The following PLAAT3 variants were observed in gnomAD, a reference collection of about 807,000 sequenced individuals.
PLAAT3 encodes Ca-independent phospholipase A1/2.
A neutral mutation model predicts 16.7 loss-of-function variants in PLAAT3; 21 were observed. The ratio of observed to expected loss-of-function variants is 1.26; its 90% CI spans 0.89 to 1.81. PLAAT3 has a LOEUF of 1.81. Among genes scored for constraint, PLAAT3 ranks in the 40% most tolerant of loss-of-function variants. PLAAT3 has a pLI of 0.00. For synonymous variants in PLAAT3, 76 were observed against 81.7 expected, an observed-to-expected ratio of 0.93 and a Z score of 0.38; for missense variants, 219 against 213.7, an observed-to-expected ratio of 1.02 and a Z score of -0.16.
At chr11:63,595,299 A>G (rs1296043439) in intron 3 of PLAAT3, among the ~76,000 whole-genome samples, 3 of 143,074 alleles carry the variant, frequency 2.1e-5, no homozygotes, top group East Asian at 1.9e-4. Flanking sequence ...TCGGAAAAAA[A>G]AAAAAAAAAA....
upstream of PLAAT3, chr11:63,616,692 G>C (rs1938881589): frequency 6.6e-6 from 1 of 152,090 alleles, no homozygotes; most frequent in South Asian, 2.1e-4. Flanking sequence ...GGAGTAGAGA[G>C]ACCAGTATAG....
chr11:63,583,795 A>T (rs1271825730), intron 4 of PLAAT3, among the ~76,000 whole-genome samples: 2 of 151,440 alleles, frequency 1.3e-5, no homozygotes, highest in Non-Finnish European at 2.9e-5. Context: ...TATTAAGAAG[A>T]CTGTTTTTTT....
intron 3 of PLAAT3, among the ~76,000 whole-genome samples, chr11:63,594,471 T>C (rs1938232630): frequency 6.6e-6 from 1 of 152,094 alleles, no homozygotes; most frequent in Non-Finnish European, 1.5e-5. Flanking sequence ...TCACATCAAA[T>C]GCTGCAGAGA....
intron 2 of PLAAT3, among the ~76,000 whole-genome samples, chr11:63,606,315 G>A (rs1938558245): frequency 6.6e-6 from 1 of 152,140 alleles, no homozygotes; most frequent in African/African-American, 2.4e-5. Flanking sequence ...GGCCGGCGCG[G>A]TGGCTCACGC....
At chr11:63,592,384 CTCGAACT>C (rs1280804879) in intron 3 of PLAAT3, among the ~76,000 whole-genome samples, 1 of 99,252 alleles carries the variant, frequency 1.0e-5, no homozygotes. Context: ...CCAGGCTGGT[CTCGAACT>C]CAAGCCTGGT....
At chr11:63,589,292 A>G (rs1938070091) in intron 4 of PLAAT3, among the ~76,000 whole-genome samples, 1 of 152,016 alleles carries the variant, frequency 6.6e-6, no homozygotes, top group African/African-American at 2.4e-5. Context: ...CTCAAAAAAA[A>G]TAATAATAAA....
intron 2 of PLAAT3, among the ~76,000 whole-genome samples, chr11:63,605,679 A>G (rs1454491590): frequency 6.6e-6 from 1 of 151,790 alleles, no homozygotes; most frequent in Admixed American, 6.6e-5. Context: ...CAGCCTCCCG[A>G]GTAGCTGGGA....
At chr11:63,589,772 T>C (rs2134406574) in intron 4 of PLAAT3, among the ~76,000 whole-genome samples, 1 of 152,276 alleles carries the variant, frequency 6.6e-6, no homozygotes, top group Non-Finnish European at 1.5e-5. Flanking sequence ...ATCTGTAAGG[T>C]AGTGGGTCCT....
At chr11:63,606,691 G>T (rs960165999) in intron 2 of PLAAT3, among the ~76,000 whole-genome samples, 1 of 152,182 alleles carries the variant, frequency 6.6e-6, no homozygotes, top group African/African-American at 2.4e-5. Context: ...CCGGCAGGGG[G>T]AGCAGCCGAG....
intron 3 of PLAAT3, among the ~76,000 whole-genome samples, chr11:63,597,157 C>T (rs1040043454): frequency 6.6e-6 from 1 of 152,004 alleles, no homozygotes; most frequent in African/African-American, 2.4e-5. Flanking sequence ...TGCCTTGCTT[C>T]CCCTTCACCT....
chr11:63,590,918 G>T (rs1938136931), intron 3 of PLAAT3, among the ~76,000 whole-genome samples: 1 of 152,204 alleles, frequency 6.6e-6, no homozygotes, highest in Non-Finnish European at 1.5e-5. Flanking sequence ...GCAAGGAAGG[G>T]CCACAAAGCT....
intron 2 of PLAAT3, among the ~76,000 whole-genome samples, chr11:63,599,753 G>A (rs1025284816): frequency 6.6e-6 from 1 of 152,022 alleles, no homozygotes; most frequent in Non-Finnish European, 1.5e-5. Context: ...AGAGTTTGGG[G>A]ATTCAAGAAT....
chr11:63,613,911 C>G, intron 2 of PLAAT3, 89 bp downstream of exon 2: 1 of 828,180 alleles, frequency 1.2e-6, no homozygotes, highest in Non-Finnish European at 2.0e-6. Context: ...GCTCCTCTCT[C>G]GGAAGCAGTA....
chr11:63,576,808 A>C (rs544720605), intron 4 of PLAAT3, among the ~76,000 whole-genome samples: 1 of 152,224 alleles, frequency 6.6e-6, no homozygotes, highest in Non-Finnish European at 1.5e-5. Flanking sequence ...TAATTTCCTG[A>C]TAGTAAGACA....
Position 63,587,262 on chromosome 11 carries a change from G to A in PLAAT3, c.387+2838C>T, listed in dbSNP as rs115628084. Among the ~76,000 whole-genome samples the A allele has an allele frequency of 5.7e-3, 873 of 152,068 alleles. 8 individuals carry two copies. Among genetic ancestry groups the A allele is most frequent in the African/African-American group, 0.02 (830 of 41,464 alleles). ...TGGCACAATACATGAAAATAGACCC[G>A]TGCAAGGTAATAAATTTCAGAACAC... On this transcript the variant is annotated intron_variant, in intron 4 of 4. Coordinates refer to ENST00000415826, the MANE Select transcript of PLAAT3 (RefSeq NM_001128203.2).
intron 4 of PLAAT3, among the ~76,000 whole-genome samples, chr11:63,589,558 C>T (rs1222311639): frequency 6.6e-6 from 1 of 152,030 alleles, no homozygotes; most frequent in Non-Finnish European, 1.5e-5. Context: ...TAGGGTCTCC[C>T]AGATTCACCC....
chr11:63,585,497 TGCTGC>T (rs1937948954), intron 4 of PLAAT3, among the ~76,000 whole-genome samples: 1 of 152,102 alleles, frequency 6.6e-6, no homozygotes, highest in Non-Finnish European at 1.5e-5. Flanking sequence ...AGGCCAGGGA[TGCTGC>T]TAAGCATCCT....
At position 63,582,907 on chromosome 11, in the gene PLAAT3, C is replaced by T. The variant is rs373346863; in HGVS notation, c.387+7193G>A. ...CAGCACTTTGGGAGGCCGAGGCAGG[C>T]GGATGATGAGGTCAGGAGTTCGAGA... On this transcript the variant is annotated intron_variant, in intron 4 of 4. Coordinates refer to ENST00000415826, the MANE Select transcript of PLAAT3 (RefSeq NM_001128203.2). Among the ~76,000 whole-genome samples, 37 of 152,180 alleles carry T rather than the reference C, an allele frequency of 2.4e-4. No individual in the cohort carries two copies. The East Asian group carries it at 4.4e-3, about 18-fold the overall frequency.
chr11:63,578,916 A>G (rs1220035956), intron 4 of PLAAT3, among the ~76,000 whole-genome samples: 1 of 152,134 alleles, frequency 6.6e-6, no homozygotes, highest in African/African-American at 2.4e-5. Context: ...AAAAGAAACT[A>G]CCGTCAGAGT....
Sources: allele counts gnomAD v4.1 joint callset (sites outside exome capture counted in the v4.1 genomes callset), GRCh38; gene constraint gnomAD v4.1.1; transcripts MANE v1.5; gene names NCBI Gene and HGNC (gene_info 2026-07-23, HGNC 2026-07-21).